The following NDUFAF6 variants were observed in gnomAD, a reference collection of about 807,000 sequenced individuals.
The protein encoded by NDUFAF6 is NADH:ubiquinone oxidoreductase complex assembly factor 6.
In NDUFAF6, 45 loss-of-function variants were observed where a neutral mutation model predicts 40.8. The observed-to-expected ratio is 1.10, with a 90% confidence interval of 0.87 to 1.42. NDUFAF6 has a LOEUF of 1.42. Ranked by LOEUF, NDUFAF6 falls within the 40% of genes most tolerant of loss-of-function variation. The pLI is 0.00. For missense variants in NDUFAF6, 435 were observed against 418.5 expected, an observed-to-expected ratio of 1.04 and a Z score of -0.34; for synonymous variants, 185 against 155.9, an observed-to-expected ratio of 1.19 and a Z score of -1.39.
chr8:95,039,326 GC>G (rs1406068082), intron 3 of NDUFAF6, among the ~76,000 whole-genome samples: 83 of 151,990 alleles, frequency 5.5e-4, no homozygotes, highest in African/African-American at 1.9e-3. Context: ...AGTGGTGTGC[GC>G]CTGTAGTCCC....
chr8:94,940,013 C>G, intron 1 of NDUFAF6: 3 of 1,614,152 alleles, frequency 1.9e-6, no homozygotes, highest in Non-Finnish European at 2.5e-6. Context: ...GGTTAATCCA[C>G]CTGCAGTAAA....
At chr8:94,924,672 G>T (rs1423630958) in intron 1 of NDUFAF6, among the ~76,000 whole-genome samples, 1 of 152,194 alleles carries the variant, frequency 6.6e-6, no homozygotes, top group Non-Finnish European at 1.5e-5. Context: ...TGGACACTCT[G>T]TAAGTGGGCC....
intron 2 of NDUFAF6, among the ~76,000 whole-genome samples, chr8:94,991,119 T>C (rs1427663601): frequency 6.6e-6 from 1 of 152,208 alleles, no homozygotes; most frequent in Non-Finnish European, 1.5e-5. Flanking sequence ...GTAGATCATC[T>C]TTCCATCCCC....
At chr8:95,045,764 T>C (rs1830674690) in intron 5 of NDUFAF6, 117 bp downstream of exon 5, 1 of 738,588 alleles carries the variant, frequency 1.4e-6, no homozygotes, top group Admixed American at 2.7e-5. Context: ...TTATACTATC[T>C]GTAAAGGAAC....
At chr8:94,926,794 T>C (rs545502501) in intron 1 of NDUFAF6, 14 of 152,342 alleles carry the variant, frequency 9.2e-5, no homozygotes, top group African/African-American at 2.9e-4. Flanking sequence ...TGAAATTTAA[T>C]TGGTCTCAAA....
chr8:95,099,117 G>T (rs539370962), upstream of NDUFAF6, among the ~76,000 whole-genome samples: 87 of 152,052 alleles, frequency 5.7e-4, no homozygotes, highest in African/African-American at 1.8e-3. Flanking sequence ...GCAGGTGCCT[G>T]TAGTCCCAGC....
chr8:95,061,970 C>T (rs553986508), downstream of NDUFAF6, among the ~76,000 whole-genome samples: 23 of 151,978 alleles, frequency 1.5e-4, no homozygotes, highest in African/African-American at 3.4e-4. Context: ...CCAGCCTGGG[C>T]GACATGGCAA....
chr8:95,081,053 ACT>A (rs1808844259), downstream of NDUFAF6, among the ~76,000 whole-genome samples: 1 of 149,342 alleles, frequency 6.7e-6, no homozygotes, highest in Non-Finnish European at 1.5e-5. Flanking sequence ...TGATGGCTGC[ACT>A]GTCTTAGGCT....
intron 1 of NDUFAF6, among the ~76,000 whole-genome samples, chr8:94,961,661 G>A (rs1052204340): frequency 3.3e-5 from 5 of 152,122 alleles, no homozygotes; most frequent in African/African-American, 1.2e-4. Context: ...CTGACCTTGT[G>A]ATCCACCCGC....
intron 1 of NDUFAF6, chr8:94,927,635 A>G (rs1820010750): frequency 6.6e-6 from 1 of 152,218 alleles, no homozygotes; most frequent in Non-Finnish European, 1.5e-5. Flanking sequence ...CTTACAGTGC[A>G]GTACACAATT....
intron 8 of NDUFAF6, 88 bp from the exon 9 acceptor site, chr8:95,057,721 A>G (rs1832363221): frequency 9.5e-7 from 1 of 1,053,774 alleles, no homozygotes; most frequent in Admixed American, 2.3e-5. Flanking sequence ...AATAGCCTAA[A>G]TACTTGTAAT....
At chr8:94,945,922 A>G (rs1457283266) in intron 2 of NDUFAF6, among the ~76,000 whole-genome samples, 1 of 152,232 alleles carries the variant, frequency 6.6e-6, no homozygotes, top group African/African-American at 2.4e-5. Context: ...CATTTCAAGA[A>G]GGCAGCTTTG....
At chr8:95,078,658 A>ATATATATATATATATATAT (rs1434290595), downstream of NDUFAF6, 5 of 62,636 alleles carry the variant, frequency 8.0e-5, no homozygotes, top group African/African-American at 2.6e-4. Context: ...TTAAAAAAAA[A>ATATATATATATATATATAT]AAAAATATAT....
In NDUFAF6 at chr8:94,915,034, T is replaced by A. The variant is rs1333058328; in HGVS notation, c.-936+19107T>A. 7.2e-5 allele frequency among the ~76,000 whole-genome samples: 11 copies of A among 152,302 alleles called. No homozygotes were observed. In the East Asian group the frequency reaches 1.9e-3, roughly 27 times the overall value. ...CTCATCACCCAAATAGTGAACACAG[T>A]ACCCAATAGGTCATTTTGCAACACT... On this transcript the variant is annotated intron_variant, in intron 1 of 14. Transcript: ENST00000396113.
chr8:94,936,887 A>G (rs1238653406), intron 1 of NDUFAF6, among the ~76,000 whole-genome samples: 3 of 152,296 alleles, frequency 2.0e-5, no homozygotes, highest in East Asian at 1.9e-4. Context: ...TCTCAGGCAC[A>G]AATACCAATG....
intron 1 of NDUFAF6, among the ~76,000 whole-genome samples, chr8:94,938,677 C>A (rs2956208): frequency 6.6e-6 from 1 of 152,216 alleles, no homozygotes; most frequent in African/African-American, 2.4e-5. Context: ...TTCAGGGAGC[C>A]TCTGGAGAGC....
chr8:95,074,198 A>G (rs1563854502), intron 9 of NDUFAF6, among the ~76,000 whole-genome samples: 1 of 152,048 alleles, frequency 6.6e-6, no homozygotes, highest in East Asian at 1.9e-4. Context: ...AAAATTCTCT[A>G]TAATAAGGTT....
chr8:94,985,709 T>C lies in NDUFAF6; in HGVS notation c.-84+4736T>C, dbSNP rs185662686. On this transcript the variant is annotated intron_variant, in intron 2 of 9. Coordinates refer to the NDUFAF6 transcript ENST00000396111. Reference sequence around the variant, plus strand: ...CACCACCATGCCTAGCTAATTTTTGTATTTTTAGTAGAGACAGGGTTTCAC... The same window carrying C: ...CACCACCATGCCTAGCTAATTTTTGCATTTTTAGTAGAGACAGGGTTTCAC... 9.9e-3 allele frequency among the ~76,000 whole-genome samples: 1,464 copies of C among 147,700 alleles called. 22 individuals carry two copies. The highest frequency in any genetic ancestry group is 0.035 in the African/African-American group (1,396 of 40,090).
At chr8:94,897,292 A>G (rs1238891073) in intron 1 of NDUFAF6, among the ~76,000 whole-genome samples, 2 of 152,216 alleles carry the variant, frequency 1.3e-5, no homozygotes, top group Non-Finnish European at 2.9e-5. Context: ...ACCCTTGACT[A>G]TTATGTGAAC....
Sources: allele counts gnomAD v4.1 joint callset (sites outside exome capture counted in the v4.1 genomes callset), GRCh38; gene constraint gnomAD v4.1.1; transcripts MANE v1.5; gene names NCBI Gene and HGNC (gene_info 2026-07-23, HGNC 2026-07-21).